Variants in MYO1E observed in about 807,000 individuals in gnomAD.
The protein encoded by MYO1E is unconventional myosin-Ie.
MYO1E carries 68 observed loss-of-function variants against 151.1 expected under a neutral mutation model. The ratio of observed to expected loss-of-function variants is 0.45; its 90% confidence interval spans 0.37 to 0.55. The LOEUF is 0.55. MYO1E is among the 20% of genes least tolerant of loss of function. The pLI, the probability that MYO1E is intolerant of heterozygous loss-of-function variation, is 0.00. For missense variants in MYO1E, 1,363 were observed against 1,389.3 expected, an observed-to-expected ratio of 0.98 and a Z score of 0.30; for synonymous variants, 601 against 501.7, an observed-to-expected ratio of 1.20 and a Z score of -2.64.
Position 59,159,114 on chromosome 15 carries a change from G to A in MYO1E, c.2786-735C>T, listed in dbSNP as rs541245833. Among the ~76,000 whole-genome samples, 1 of 152,366 alleles carries A rather than the reference G, an allele frequency of 6.6e-6. No individual in the cohort carries two copies. Among genetic ancestry groups the A allele is most frequent in the African/African-American group, 2.4e-5 (1 of 41,586 alleles). ...GAGGGAATTTCTTATAAAGAGAAGA[G>A]CTGAAGAATAGAGAAGGGTAGGAGG... On this transcript the variant is annotated intron_variant, in intron 24 of 27. Transcript: ENST00000288235. This position sits in a 1 kb window ranked among gnomAD's most constrained non-coding sequence, Gnocchi z 4.4.
intron 25 of MYO1E, among the ~76,000 whole-genome samples, chr15:59,155,576 C>G (rs2079505221): frequency 6.6e-6 from 1 of 152,158 alleles, no homozygotes; most frequent in African/African-American, 2.4e-5. Flanking sequence ...TGATCTGAGG[C>G]TACTTTGGCC....
chr15:59,147,621 C>T (rs148252151), intron 26 of MYO1E, among the ~76,000 whole-genome samples: 2 of 84,212 alleles, frequency 2.4e-5, no homozygotes, highest in Admixed American at 1.3e-4. Context: ...AAAAACAATA[C>T]AAAAAAAAGA....
At chr15:59,227,647 A>G in intron 6 of MYO1E, 57 bp from the exon 7 acceptor site, 1 of 1,598,392 alleles carries the variant, frequency 6.3e-7, no homozygotes, top group African/African-American at 1.3e-5. Flanking sequence ...TGATGTCCCA[A>G]ACAGGCTTTG....
chr15:59,151,857 C>G (rs538531255), intron 26 of MYO1E, among the ~76,000 whole-genome samples: 29 of 151,994 alleles, frequency 1.9e-4, no homozygotes, highest in Admixed American at 1.2e-3. Flanking sequence ...ACCATCCTGG[C>G]CAACACAGTG....
chr15:59,274,621 A>G (rs2080307517), intron 1 of MYO1E, among the ~76,000 whole-genome samples: 1 of 152,200 alleles, frequency 6.6e-6, no homozygotes, highest in Non-Finnish European at 1.5e-5. Context: ...CAACTTCTAT[A>G]AAGGACAAGA....
chr15:59,231,782 C>G lies in MYO1E; in HGVS notation c.430G>C (p.Asp144His). 1 of 1,614,128 alleles carries G rather than the reference C, an allele frequency of 6.2e-7. No individual in the cohort carries two copies. Among genetic ancestry groups the G allele is most frequent in the Non-Finnish European group, 8.5e-7 (1 of 1,180,006 alleles). ...GGGTKVQHVK[D>H]IILQSNPLLE... ...AGCGGGTTGGACTGCAGGATAATGTCCTTCACGTGCTGTCCCAGCAAATAG... is the reference window on the plus strand; with the variant it reads ...AGCGGGTTGGACTGCAGGATAATGTGCTTCACGTGCTGTCCCAGCAAATAG... Residue 144 changes from aspartate (D) to histidine (H), a missense_variant, in exon 6 of 28, where the codon GAC becomes CAC. Asp to His is a moderately conservative substitution (Grantham distance 81, BLOSUM62 -1). Coordinates refer to ENST00000288235, the MANE Select transcript of MYO1E (RefSeq NM_004998.4).
At chr15:59,151,231 TC>T (rs2079476685) in intron 26 of MYO1E, among the ~76,000 whole-genome samples, 1 of 151,240 alleles carries the variant, frequency 6.6e-6, no homozygotes, top group Non-Finnish European at 1.5e-5. Context: ...ATCGAGACCA[TC>T]CTGGCCAACA....
intron 4 of MYO1E, among the ~76,000 whole-genome samples, chr15:59,241,527 C>G (rs769357608): frequency 1.2e-4 from 18 of 151,954 alleles, no homozygotes; most frequent in Non-Finnish European, 1.9e-4. Context: ...ATGGTAAAAC[C>G]CCGTCTCTAC....
intron 6 of MYO1E, among the ~76,000 whole-genome samples, 159 bp from the exon 7 acceptor site, chr15:59,227,749 G>C (rs558119380): frequency 6.6e-6 from 1 of 152,296 alleles, no homozygotes; most frequent in East Asian, 1.9e-4. Flanking sequence ...TTTTCAATCA[G>C]ACAATAACCC....
chr15:59,218,594 T>C (rs2079934402), intron 9 of MYO1E, among the ~76,000 whole-genome samples: 1 of 152,228 alleles, frequency 6.6e-6, no homozygotes, highest in Admixed American at 6.5e-5. Context: ...TTAGCATGTG[T>C]AGGGTTACTA....
chr15:59,255,665 C>T (rs1300061641), intron 4 of MYO1E, among the ~76,000 whole-genome samples: 1 of 152,138 alleles, frequency 6.6e-6, no homozygotes, highest in Non-Finnish European at 1.5e-5. Flanking sequence ...TTGGGCCACA[C>T]ATAAAATACA....
intron 1 of MYO1E, 94 bp downstream of exon 1, chr15:59,372,404 G>A (rs2080952356): frequency 2.1e-6 from 3 of 1,461,938 alleles, no homozygotes; most frequent in South Asian, 1.2e-5. Context: ...TCCACCCCTG[G>A]CCCCGGCAGC....
chr15:59,202,337 T>G lies in MYO1E; in HGVS notation c.1687A>C (p.Ser563Arg), dbSNP rs1442424071. Reference sequence around the variant, plus strand: ...AAAATAGAACTAACCTTTATTTTGCTTCCGGCAGTAGTTGGGCGCCCTTTC... The same window carrying G: ...AAAATAGAACTAACCTTTATTTTGCGTCCGGCAGTAGTTGGGCGCCCTTTC... The part of the protein sequence containing the change: ...DKKGRPTTAG[S>R]KIKKQANDLV... The change falls in exon 16 of 28, where the codon AGC becomes CGC. Residue 563 changes from serine (S) to arginine (R), a missense_variant. By Grantham distance (110) the Ser-to-Arg change is moderately radical. Transcript: ENST00000288235. The G allele has an allele frequency of 6.2e-7, 1 of 1,613,908 alleles. No individual in the cohort carries two copies. Among genetic ancestry groups the G allele is most frequent in the Non-Finnish European group, 8.5e-7 (1 of 1,179,886 alleles).
intron 18 of MYO1E, among the ~76,000 whole-genome samples, chr15:59,181,828 A>C (rs1270764648): frequency 6.6e-6 from 1 of 152,230 alleles, no homozygotes; most frequent in Non-Finnish European, 1.5e-5. Context: ...CTTTCCCTTC[A>C]GGCTTTTACT....
At chr15:59,326,417 G>C (rs2080664618) in intron 1 of MYO1E, among the ~76,000 whole-genome samples, 4 of 152,142 alleles carry the variant, frequency 2.6e-5, no homozygotes. Flanking sequence ...CAGCTACTCA[G>C]GAGGCTGAGG....
intron 1 of MYO1E, among the ~76,000 whole-genome samples, chr15:59,345,135 A>G (rs1233201189): frequency 6.6e-6 from 1 of 152,208 alleles, no homozygotes; most frequent in African/African-American, 2.4e-5. Context: ...TTCAGAAGCC[A>G]CAGCAGATTA....
intron 1 of MYO1E, among the ~76,000 whole-genome samples, chr15:59,348,381 GC>G (rs2080806022): frequency 6.6e-6 from 1 of 152,174 alleles, no homozygotes; most frequent in African/African-American, 2.4e-5. Context: ...TGATCAGTTT[GC>G]ATTTGGTGTT....
chr15:59,345,555 T>C (rs1003555098), intron 1 of MYO1E, among the ~76,000 whole-genome samples: 13 of 152,224 alleles, frequency 8.5e-5, no homozygotes, highest in African/African-American at 2.7e-4. Flanking sequence ...GGGTTAAGCA[T>C]TGACCTTTAA....
chr15:59,215,171 A>C (rs1465122359), intron 10 of MYO1E, among the ~76,000 whole-genome samples: 1 of 152,092 alleles, frequency 6.6e-6, no homozygotes, highest in Non-Finnish European at 1.5e-5. Flanking sequence ...GGACAAGACA[A>C]CCCTTGTTCC....
Sources: allele counts gnomAD v4.1 joint callset (sites outside exome capture counted in the v4.1 genomes callset), GRCh38; gene constraint gnomAD v4.1.1; non-coding constraint Gnocchi (gnomAD v3.1); transcripts MANE v1.5; gene names NCBI Gene and HGNC (gene_info 2026-07-23, HGNC 2026-07-21).